USP26: variants seen among roughly 807,000 people sequenced by gnomAD.
USP26 encodes the protein ubiquitin specific peptidase 26.
For missense variants in USP26, 649 were observed against 642.3 expected, an observed-to-expected ratio of 1.01 and a Z score of -0.11; for synonymous variants, 236 against 240.6, an observed-to-expected ratio of 0.98 and a Z score of 0.18.
At position 133,025,831 on chromosome X, in the gene USP26, G is replaced by A. The variant is rs371665490; in HGVS notation, c.2390C>T (p.Pro797Leu). 2 of 1,208,334 alleles carry A rather than the reference G, an allele frequency of 1.7e-6. No homozygotes were observed. Among genetic ancestry groups the A allele is most frequent in the African/African-American group, 3.5e-5 (2 of 56,845 alleles). ...CTTATCTAAAATGTCTTTGTTTCTTGGATTCTTATTGGAACCCAGTGCAAG... is the reference window on the plus strand; with the variant it reads ...CTTATCTAAAATGTCTTTGTTTCTTAGATTCTTATTGGAACCCAGTGCAAG... ...SLLALGSNKN[P>L]RNKDILDKIK... Residue 797 changes from proline (P) to leucine (L), a missense_variant, in exon 6 of 6, where the codon CCA (proline) becomes CTA (leucine). Physicochemically the swap from Pro to Leu is moderately conservative, Grantham distance 98. Transcript: ENST00000511190.
At chrX:133,079,490 C>T (rs2067562353) in intron 5 of USP26, among the ~76,000 whole-genome samples, 2 of 111,526 alleles carry the variant, frequency 1.8e-5, no homozygotes, top group African/African-American at 6.5e-5. Flanking sequence ...CTTCTTAATA[C>T]CAAGTATGAG....
chrX:133,045,422 C>T (rs907368818), intron 5 of USP26, among the ~76,000 whole-genome samples: 2 of 112,041 alleles, frequency 1.8e-5, no homozygotes, highest in Non-Finnish European at 3.8e-5. Context: ...GCAGGCTGCC[C>T]GAGCCAGCAG....
At chrX:133,052,377 T>A (rs2067462057) in intron 5 of USP26, among the ~76,000 whole-genome samples, 3 of 112,158 alleles carry the variant, frequency 2.7e-5, no homozygotes, top group African/African-American at 9.7e-5. Context: ...GGTCTCAATG[T>A]TTACAGGGCT....
chrX:133,065,948 G>C (rs1283686557), intron 5 of USP26, among the ~76,000 whole-genome samples: 2 of 111,921 alleles, frequency 1.8e-5, no homozygotes, highest in Admixed American at 9.5e-5. Context: ...TCTGTTTGCA[G>C]ATGACATGAT....
intron 5 of USP26, among the ~76,000 whole-genome samples, chrX:133,065,354 G>A (rs1459111821): frequency 6.3e-5 from 7 of 111,777 alleles, no homozygotes; most frequent in Admixed American, 1.9e-4. Context: ...TAGAAAAAGA[G>A]GGACTCCTCC....
chrX:133,053,520 A>ACTCCAGGCT (rs2067466338), intron 5 of USP26, among the ~76,000 whole-genome samples: 2 of 106,557 alleles, frequency 1.9e-5, no homozygotes, highest in Non-Finnish European at 3.9e-5. Flanking sequence ...TCTGGGCAAC[A>ACTCCAGGCT]GAGTGAGACT....
In USP26 at chrX:133,027,314, T is replaced by C; in HGVS notation, c.907A>G (p.Thr303Ala). Reference sequence around the variant, plus strand: ...TGTAACACTGCATTCATATAACAGGTGTTTCCCAAATTGGGGAGGCCGTGG... The same window carrying C: ...TGTAACACTGCATTCATATAACAGGCGTTTCCCAAATTGGGGAGGCCGTGG... ...ICHGLPNLGN[T>A]CYMNAVLQSL... Residue 303 changes from threonine to alanine, a missense_variant, in exon 6 of 6, where the codon ACC becomes GCC. Thr to Ala is a moderately conservative substitution (Grantham distance 58). Transcript: ENST00000511190. 8.3e-7 allele frequency: 1 copy of C among 1,210,670 alleles called. No homozygotes were observed.
At chrX:133,096,519 G>A (rs375271312) in intron 1 of USP26, among the ~76,000 whole-genome samples, 23 of 111,573 alleles carry the variant, frequency 2.1e-4, no homozygotes, top group African/African-American at 6.8e-4. Context: ...AAACAACATC[G>A]CAGCAGCTAA....
chrX:133,056,662 A>G (rs2067476661), intron 5 of USP26, among the ~76,000 whole-genome samples: 1 of 112,077 alleles, frequency 8.9e-6, no homozygotes, highest in Non-Finnish European at 1.9e-5. Flanking sequence ...GAAAAAAACA[A>G]ATGATAGGCA....
At chrX:133,066,240 G>GA (rs1305304729) in intron 5 of USP26, among the ~76,000 whole-genome samples, 2 of 111,046 alleles carry the variant, frequency 1.8e-5, no homozygotes, top group Non-Finnish European at 3.8e-5. Context: ...CAAATAAATG[G>GA]AAAAAAATTC....
chrX:133,047,322 C>T (rs945998226), intron 5 of USP26, among the ~76,000 whole-genome samples: 1 of 111,990 alleles, frequency 8.9e-6, no homozygotes, highest in East Asian at 2.8e-4. Flanking sequence ...ATGTCTATTC[C>T]CTCAATTCTT....
At chrX:133,032,283 G>A (rs2067380277) in intron 5 of USP26, among the ~76,000 whole-genome samples, 2 of 111,747 alleles carry the variant, frequency 1.8e-5, no homozygotes, top group Admixed American at 9.5e-5. Flanking sequence ...AGGGGGTTCT[G>A]GGAAGGCCTA....
chrX:133,085,153 T>A (rs1183645198), intron 4 of USP26, among the ~76,000 whole-genome samples: 4 of 111,790 alleles, frequency 3.6e-5, no homozygotes, highest in Non-Finnish European at 7.5e-5. Flanking sequence ...GGTCTTGAAC[T>A]TGAGGTCAGG....
chrX:133,090,393 C>T (rs144108281), intron 3 of USP26, among the ~76,000 whole-genome samples, 167 bp from the exon 4 acceptor site: 1,254 of 112,323 alleles, frequency 0.011, 7 homozygotes, highest in South Asian at 0.043. Flanking sequence ...AAGTACAAAT[C>T]ATAAGGCTTA....
chrX:133,035,051 A>AT (rs1309265399), intron 5 of USP26, among the ~76,000 whole-genome samples: 2 of 111,445 alleles, frequency 1.8e-5, no homozygotes, highest in Non-Finnish European at 3.8e-5. Flanking sequence ...AGCTACACTG[A>AT]TAGTAGAGTA....
chrX:133,079,550 CA>C (rs2067562574), intron 5 of USP26, among the ~76,000 whole-genome samples: 1 of 111,486 alleles, frequency 9.0e-6, no homozygotes, highest in Non-Finnish European at 1.9e-5. Flanking sequence ...TCTTGAAGAC[CA>C]GAAGGGACAG....
intron 5 of USP26, among the ~76,000 whole-genome samples, chrX:133,048,229 T>C (rs989919264): frequency 1.8e-5 from 2 of 111,631 alleles, no homozygotes; most frequent in Non-Finnish European, 3.8e-5. Flanking sequence ...ATTCTGGTGA[T>C]ATTTTGAAGA....
At chrX:133,043,835 C>T (rs187378182) in intron 5 of USP26, among the ~76,000 whole-genome samples, 8 of 111,434 alleles carry the variant, frequency 7.2e-5, no homozygotes, top group Admixed American at 1.9e-4. Context: ...TTCAGGAGGC[C>T]GAGGTGGCAG....
chrX:133,045,249 G>T (rs2067434744), intron 5 of USP26, among the ~76,000 whole-genome samples: 1 of 112,086 alleles, frequency 8.9e-6, no homozygotes, highest in South Asian at 3.8e-4. Context: ...AGCTAATCTA[G>T]TGGGGACTTG....
Sources: allele counts gnomAD v4.1 joint callset (sites outside exome capture counted in the v4.1 genomes callset), GRCh38; gene constraint gnomAD v4.1.1; transcripts MANE v1.5; gene names NCBI Gene and HGNC (gene_info 2026-07-23, HGNC 2026-07-21).